Variants in SLC22A9 observed in about 807,000 individuals in gnomAD.
SLC22A9 encodes organic anion transporter 7.
SLC22A9 carries 64 observed loss-of-function variants against 50.1 expected under a neutral mutation model. The observed-to-expected ratio is 1.28, with a 90% CI of 1.04 to 1.57. SLC22A9 has a LOEUF of 1.57. SLC22A9 is among the 40% of genes most tolerant of loss of function. SLC22A9 has a pLI of 0.00. For synonymous variants in SLC22A9, 261 were observed against 242.5 expected (o/e 1.08, Z -0.71); for missense variants, 757 against 676.1 (o/e 1.12, Z -1.33).
At chr11:63,404,636 A>G (rs1342677278) in intron 6 of SLC22A9, among the ~76,000 whole-genome samples, 2 of 152,200 alleles carry the variant, frequency 1.3e-5, no homozygotes, top group East Asian at 3.8e-4. Flanking sequence ...TGGGAGCTGG[A>G]TGTAGGGGTT....
At chr11:63,390,321 T>C (rs1365383085) in intron 6 of SLC22A9, among the ~76,000 whole-genome samples, 1 of 152,190 alleles carries the variant, frequency 6.6e-6, no homozygotes, top group Admixed American at 6.5e-5. Context: ...TTTACATTTA[T>C]GTCTTTTATC....
At chr11:63,394,106 C>T (rs2014810662) in intron 6 of SLC22A9, among the ~76,000 whole-genome samples, 2 of 152,084 alleles carry the variant, frequency 1.3e-5, no homozygotes, top group Non-Finnish European at 1.5e-5. Flanking sequence ...CTTGTGTATG[C>T]TTCACGAAGT....
intron 6 of SLC22A9, among the ~76,000 whole-genome samples, chr11:63,391,521 T>C (rs1459968392): frequency 6.6e-6 from 1 of 152,074 alleles, no homozygotes; most frequent in Non-Finnish European, 1.5e-5. Flanking sequence ...TTTACAATTG[T>C]TATATTCTCT....
At chr11:63,409,190 A>G (rs995982970) in intron 9 of SLC22A9, among the ~76,000 whole-genome samples, 2 of 152,202 alleles carry the variant, frequency 1.3e-5, no homozygotes. Context: ...TGTTGAAGGT[A>G]TTTTACAAAT....
chr11:63,370,114 C>T lies in SLC22A9; in HGVS notation c.58C>T (p.Gln20Ter), dbSNP rs915745586. 3 of 1,614,012 alleles carry T rather than the reference C, an allele frequency of 1.9e-6. No individual in the cohort carries two copies. The highest frequency in any genetic ancestry group is 3.3e-5 in the Admixed American group (2 of 60,016). Residue 20 changes from glutamine to a stop codon, truncating the protein, a stop_gained, in exon 1 of 10, where the codon CAG (glutamine) becomes TAG (stop). Coordinates refer to ENST00000279178, the MANE Select transcript of SLC22A9 (RefSeq NM_080866.3). LOFTEE classifies it high-confidence loss of function. ...TGACCTGTGGAGATTCCAGATCCTT[C>T]AGACTGTTTTTCTCTCAATCTTTGC... The part of the protein sequence containing the change: ...AGDLWRFQIL[Q>*]TVFLSIFAVA...
chr11:63,407,252 G>C (rs1432054321), intron 7 of SLC22A9, among the ~76,000 whole-genome samples: 1 of 152,138 alleles, frequency 6.6e-6, no homozygotes, highest in Non-Finnish European at 1.5e-5. Flanking sequence ...TTTATGTAAA[G>C]AACTGTACAG....
Position 63,408,699 on chromosome 11 carries a change from C to A in SLC22A9, c.1421C>A (p.Ala474Glu), listed in dbSNP as rs534192567. 3 of 1,613,840 alleles carry A rather than the reference C, an allele frequency of 1.9e-6. No individual in the cohort carries two copies. Among genetic ancestry groups the A allele is most frequent in the Admixed American group, 3.3e-5 (2 of 59,942 alleles). Residue 474 changes from alanine (A) to glutamate (E), a missense_variant, in exon 9 of 10, where the codon GCA becomes GAA. Transcript: ENST00000279178. Reference sequence around the variant, plus strand: ...AGGGCAAGAGCTATGGGGATCAATGCAACCTTTGCTAATATAGCAGGAGCC... The same window carrying A: ...AGGGCAAGAGCTATGGGGATCAATGAAACCTTTGCTAATATAGCAGGAGCC... Reference protein sequence around the residue: ...IIRARAMGINATFANIAGALA... With the variant: ...IIRARAMGINETFANIAGALA...
At position 63,403,237 on chromosome 11, in the gene SLC22A9, A is replaced by G. The variant is rs183332135; in HGVS notation, c.1074-3260A>G. 2.6e-3 allele frequency among the ~76,000 whole-genome samples: 394 copies of G among 152,254 alleles called. 2 individuals are homozygous for G. The highest frequency in any genetic ancestry group is 9.2e-3 in the African/African-American group (382 of 41,586). On this transcript the variant is annotated intron_variant, in intron 6 of 9. Coordinates refer to ENST00000279178, the MANE Select transcript of SLC22A9 (RefSeq NM_080866.3). ...CAAGATAAAGTGACTGACTTGTTACATACTAAGAGAATGTCCTCCATAAGA... is the reference window on the plus strand; with the variant it reads ...CAAGATAAAGTGACTGACTTGTTACGTACTAAGAGAATGTCCTCCATAAGA...
chr11:63,374,054 G>A lies in SLC22A9; in HGVS notation c.822G>A (p.Leu274=). Residue 274 remains leucine (L), a synonymous_variant, in exon 4 of 10, where the codon CTG becomes CTA. Coordinates refer to ENST00000279178, the MANE Select transcript of SLC22A9 (RefSeq NM_080866.3). The stretch of plus-strand genomic sequence containing the variant: ...CTGTACCATACTTTGTGATCTTTCT[G>A]ACCTCAAGGTATGAGTTTGTTTCTT... ...VVSVPYFVIF[L]TSSWLLESAR... is the part of the protein sequence containing the mutation. 6.2e-7 allele frequency: 1 copy of A among 1,608,406 alleles called. No individual in the cohort carries two copies. The highest frequency in any genetic ancestry group is 8.5e-7 in the Non-Finnish European group (1 of 1,177,830).
chr11:63,403,447 C>A (rs550094404), intron 6 of SLC22A9, among the ~76,000 whole-genome samples: 90 of 152,170 alleles, frequency 5.9e-4, no homozygotes, highest in Admixed American at 1.6e-3. Context: ...CAGCACCCCA[C>A]CTCCATTATT....
chr11:63,409,853 G>A lies in SLC22A9; in HGVS notation c.1653G>A (p.Thr551=), dbSNP rs151301589. The change falls in exon 10 of 10, where the codon ACG becomes ACA. Residue 551 remains threonine, a synonymous_variant. Transcript: ENST00000279178. ...PKQEDPRVEV[T]QF ...AAGAGGATCCGAGAGTGGAAGTGAC[G>A]CAGTTTTAAGGAATTCCAGGAGCTG... 213 of 1,613,458 alleles carry A rather than the reference G, an allele frequency of 1.3e-4. No individual in the cohort carries two copies. In the African/African-American group the frequency reaches 1.6e-3, roughly 12 times the overall value.
At position 63,389,737 on chromosome 11, in the gene SLC22A9, G is replaced by C. The variant is rs539536609; in HGVS notation, c.1073+7460G>C. On this transcript the variant is annotated intron_variant, in intron 6 of 9. Transcript: ENST00000279178. ...GGGTCAAATGGTATTTCTGGTTCCAGATCCTTGAGGAATTGCCACACTGTC... is the reference window on the plus strand; with the variant it reads ...GGGTCAAATGGTATTTCTGGTTCCACATCCTTGAGGAATTGCCACACTGTC... Among the ~76,000 whole-genome samples, 47 of 152,316 alleles carry C rather than the reference G, an allele frequency of 3.1e-4. 1 individual carries two copies. The highest frequency in any genetic ancestry group is 9.9e-4 in the African/African-American group (41 of 41,576).
rs765975157 is a variant in SLC22A9 at position 63,373,788 on chromosome 11, T to C, written c.651T>C (p.Thr217=). 6.2e-7 allele frequency: 1 copy of C among 1,608,618 alleles called. No homozygotes were observed. The highest frequency in any genetic ancestry group is 1.7e-5 in the Admixed American group (1 of 58,924). ...CTGCAATGAGCCTCATAACAAATACTATTATGTTAAGTAAGCCAACACTTT... is the reference window on the plus strand; with the variant it reads ...CTGCAATGAGCCTCATAACAAATACCATTATGTTAAGTAAGCCAACACTTT... The part of the protein sequence containing the change: ...GIAAMSLITN[T]IMLIAEWATH... Residue 217 remains threonine, a synonymous_variant, in exon 3 of 10, where the codon ACT becomes ACC. Coordinates refer to ENST00000279178, the MANE Select transcript of SLC22A9 (RefSeq NM_080866.3).
At chr11:63,402,939 T>G (rs895828958) in intron 6 of SLC22A9, among the ~76,000 whole-genome samples, 1 of 152,128 alleles carries the variant, frequency 6.6e-6, no homozygotes, top group African/African-American at 2.4e-5. Context: ...CACATATACA[T>G]GCTCATCAAC....
rs182136531 is a variant in SLC22A9, at chr11:63,385,161, T to C, written c.1073+2884T>C. On this transcript the variant is annotated intron_variant, in intron 6 of 9. Transcript: ENST00000279178. ...GAAGCTCTTTAGTTTAATTAGATCC[T>C]ATGGCCAATTTTTTTTTTGTTGCAG... Among the ~76,000 whole-genome samples the C allele has an allele frequency of 4.8e-3, 690 of 143,860 alleles. 6 individuals are homozygous for C. The highest frequency in any genetic ancestry group is 0.016 in the African/African-American group (628 of 39,022). 94.4% of individuals were successfully genotyped at this position (143,860 alleles called of 152,430 possible).
chr11:63,371,602 A>T (rs2014361042), intron 2 of SLC22A9, among the ~76,000 whole-genome samples: 1 of 152,196 alleles, frequency 6.6e-6, no homozygotes. Flanking sequence ...TCCTACCTGG[A>T]CACTGTGAGC....
intron 6 of SLC22A9, among the ~76,000 whole-genome samples, chr11:63,400,801 C>T (rs2014939775): frequency 6.6e-6 from 1 of 152,120 alleles, no homozygotes. Flanking sequence ...AGAGATCATT[C>T]ATCACGACCA....
intron 6 of SLC22A9, among the ~76,000 whole-genome samples, chr11:63,385,106 G>GTTTTTTTTTTT (rs149124193): frequency 7.6e-4 from 58 of 76,510 alleles, no homozygotes; most frequent in Non-Finnish European, 9.8e-4. Flanking sequence ...TGATGATACA[G>GTTTTTTTTTTT]TTTTTTTTTT....
At chr11:63,384,049 GAAAAAA>G (rs58436264) in intron 6 of SLC22A9, among the ~76,000 whole-genome samples, 1 of 132,878 alleles carries the variant, frequency 7.5e-6, no homozygotes, top group Non-Finnish European at 1.6e-5. Context: ...CTCCATCTAA[GAAAAAA>G]AAAAAAAAAG....
Sources: allele counts gnomAD v4.1 joint callset (sites outside exome capture counted in the v4.1 genomes callset), GRCh38; gene constraint gnomAD v4.1.1; transcripts MANE v1.5; gene names NCBI Gene and HGNC (gene_info 2026-07-23, HGNC 2026-07-21).